The following PAK1 variants were observed in gnomAD, a reference collection of about 807,000 sequenced individuals.
The protein encoded by PAK1 is p21 (RAC1) activated kinase 1, also known as serine/threonine-protein kinase PAK 1.
In PAK1, 29 loss-of-function variants were observed where a neutral mutation model predicts 67.4. That is an observed-to-expected ratio of 0.43 (90% CI 0.32 to 0.59). The LOEUF is 0.59. Among genes scored for constraint, PAK1 ranks in the 20% least tolerant of loss-of-function variants. PAK1 has a pLI of 0.07. For missense variants in PAK1, 337 were observed against 670.7 expected (o/e 0.50, Z 5.50); for synonymous variants, 223 against 237.4 (o/e 0.94, Z 0.56).
At chr11:77,499,577 C>CT in the PAK1 span, among the ~76,000 whole-genome samples, 3 of 152,136 alleles carry the variant, frequency 2.0e-5, no homozygotes, top group African/African-American at 7.2e-5. Flanking sequence ...TCTGGGAAGT[C>CT]TTTCATGCCC....
At chr11:77,350,085 T>C (rs924103222) in intron 8 of PAK1, among the ~76,000 whole-genome samples, 1 of 152,198 alleles carries the variant, frequency 6.6e-6, no homozygotes, top group Non-Finnish European at 1.5e-5. Context: ...CTGAATAATC[T>C]AATCTCAAAG....
the PAK1 span, among the ~76,000 whole-genome samples, chr11:77,509,042 G>A: frequency 2.7e-5 from 4 of 149,568 alleles, no homozygotes; most frequent in South Asian, 2.1e-4. Flanking sequence ...AGGCCGAGGC[G>A]GGCGGATCAC....
At chr11:77,473,196 G>C (rs1565728551) in intron 1 of PAK1, among the ~76,000 whole-genome samples, 1 of 152,252 alleles carries the variant, frequency 6.6e-6, no homozygotes, top group Non-Finnish European at 1.5e-5. Context: ...GAGCGCCGCA[G>C]GACTGCGAAG....
chr11:77,450,214 T>C (rs1163467453), intron 1 of PAK1, among the ~76,000 whole-genome samples: 1 of 152,192 alleles, frequency 6.6e-6, no homozygotes, highest in African/African-American at 2.4e-5. Context: ...ATTCTAGGGG[T>C]AGAGTTGGGA....
chr11:77,336,700 G>A (rs1476232648), intron 12 of PAK1, among the ~76,000 whole-genome samples: 1 of 152,048 alleles, frequency 6.6e-6, no homozygotes, highest in East Asian at 1.9e-4. Flanking sequence ...CTATGACTAG[G>A]CATGGCCCTG....
chr11:77,424,452 AT>A (rs970683115), intron 1 of PAK1, among the ~76,000 whole-genome samples: 7 of 152,332 alleles, frequency 4.6e-5, no homozygotes, highest in African/African-American at 1.4e-4. Flanking sequence ...GGAACACAAA[AT>A]ACTGTACAGT....
At chr11:77,507,092 G>A in the PAK1 span, among the ~76,000 whole-genome samples, 10 of 152,218 alleles carry the variant, frequency 6.6e-5, no homozygotes. Context: ...CTCTGAATTG[G>A]AGGTTAGGAA....
chr11:77,433,546 G>A (rs6592721), intron 1 of PAK1, among the ~76,000 whole-genome samples: 16,707 of 152,144 alleles, frequency 0.11, 2,244 homozygotes, highest in African/African-American at 0.31. Context: ...TTGGGGGGCC[G>A]AGGCAGGCGG....
At chr11:77,350,798 A>G (rs978757358) in intron 8 of PAK1, among the ~76,000 whole-genome samples, 1 of 152,190 alleles carries the variant, frequency 6.6e-6, no homozygotes, top group African/African-American at 2.4e-5. Flanking sequence ...TGGCTATAAA[A>G]TAAGGATTGG....
At chr11:77,327,697 C>A (rs1364392549) in intron 14 of PAK1, among the ~76,000 whole-genome samples, 1 of 152,202 alleles carries the variant, frequency 6.6e-6, no homozygotes, top group East Asian at 1.9e-4. Flanking sequence ...ATTGTAAAGA[C>A]CATCAAGGCT....
intron 1 of PAK1, among the ~76,000 whole-genome samples, chr11:77,435,437 G>C (rs964765571): frequency 6.6e-5 from 10 of 151,498 alleles, no homozygotes; most frequent in Non-Finnish European, 1.3e-4. Context: ...GATTATGTAA[G>C]AAAACAGACA....
At chr11:77,519,324 C>A in the PAK1 span, among the ~76,000 whole-genome samples, 1 of 152,114 alleles carries the variant, frequency 6.6e-6, no homozygotes, top group South Asian at 2.1e-4. Context: ...TATAAAATAT[C>A]CCACATTCTG....
intron 9 of PAK1, among the ~76,000 whole-genome samples, chr11:77,345,375 G>A (rs941151687): frequency 6.6e-6 from 1 of 151,962 alleles, no homozygotes; most frequent in African/African-American, 2.4e-5. Flanking sequence ...CTATCCCATA[G>A]AAGTATACTT....
At position 77,473,578 on chromosome 11, in the gene PAK1, GCTCCTCCTC is replaced by G. The variant is rs957229231; in HGVS notation, c.-57_-49del. The G allele has an allele frequency of 6.6e-6, 1 of 152,604 alleles. No homozygotes were observed. The highest frequency in any genetic ancestry group is 2.4e-5 in the African/African-American group (1 of 41,450). 9.5% of individuals were successfully genotyped at this position (152,604 alleles called of 1,614,324 possible). ...TTCCGCGCTCGCTCAGCTCCTCTCG[GCTCCTCCTC>G]CTCCTCCCGGCGGTGGGTGCCGCCT... On this transcript the variant is annotated 5_prime_UTR_variant, in exon 1 of 15. Transcript: ENST00000356341.
rs374115346 is a variant in PAK1 at position 77,368,739 on chromosome 11, G to A, written c.477+5589C>T. On this transcript the variant is annotated intron_variant, in intron 5 of 14. Transcript: ENST00000356341. The stretch of plus-strand genomic sequence containing the variant: ...TGGCATGATCTCGGCTCACTGCAAC[G>A]TCTGCCTCCCTGGTTCAAGTGATTC... Among the ~76,000 whole-genome samples, 43 of 152,156 alleles carry A rather than the reference G, an allele frequency of 2.8e-4. No homozygotes were observed. In the East Asian group the frequency reaches 4.1e-3, roughly 14 times the overall value.
intron 5 of PAK1, among the ~76,000 whole-genome samples, chr11:77,361,817 T>C (rs1946831599): frequency 1.3e-5 from 2 of 152,182 alleles, no homozygotes; most frequent in African/African-American, 2.4e-5. Context: ...AAATGTTGTA[T>C]GAATAGCACT....
intron 1 of PAK1, among the ~76,000 whole-genome samples, chr11:77,465,528 A>T (rs1360351003): frequency 2.6e-5 from 4 of 151,162 alleles, no homozygotes; most frequent in African/African-American, 4.9e-5. Flanking sequence ...CTGGTTCTTT[A>T]TTTTTTTTTA....
the PAK1 span, among the ~76,000 whole-genome samples, chr11:77,511,868 C>T: frequency 6.6e-6 from 1 of 152,152 alleles, no homozygotes. Context: ...GCCCCAAATC[C>T]TTAGTGTTTG....
At chr11:77,443,091 G>A (rs938626877) in intron 1 of PAK1, among the ~76,000 whole-genome samples, 4 of 152,112 alleles carry the variant, frequency 2.6e-5, no homozygotes, top group South Asian at 2.1e-4. Context: ...TTGGGAGGCC[G>A]AGGTGGGTGG....
Sources: gnomAD v4.1 joint callset for allele counts (sites outside exome capture counted in the v4.1 genomes callset) on GRCh38, gnomAD v4.1.1 for gene constraint, MANE v1.5 for transcripts, NCBI Gene and HGNC (gene_info 2026-07-23, HGNC 2026-07-21) for gene names.